The following SLC36A1 variants were observed in gnomAD, a reference collection of about 807,000 sequenced individuals.
The protein encoded by SLC36A1 is solute carrier family 36 member 1.
Under a neutral mutation model 47.5 loss-of-function variants are expected in SLC36A1, and 30 were observed. The observed-to-expected ratio is 0.63, with a 90% confidence interval of 0.47 to 0.86. The LOEUF is 0.86. SLC36A1 is among the 40% of genes least tolerant of loss of function. The pLI, the probability that SLC36A1 is intolerant of heterozygous loss-of-function variation, is 0.00. For missense variants in SLC36A1, 517 were observed against 606.0 expected, an observed-to-expected ratio of 0.85 and a Z score of 1.54; for synonymous variants, 255 against 249.7, an observed-to-expected ratio of 1.02 and a Z score of -0.20.
chr5:151,380,586 C>T, the SLC36A1 span: 1 of 548,146 alleles, frequency 1.8e-6, no homozygotes, highest in South Asian at 1.4e-5. Context: ...TGAATGAGGA[C>T]ATCAGTTCCC....
At chr5:151,527,152 C>G in the SLC36A1 span, 1 of 1,366,252 alleles carries the variant, frequency 7.3e-7, no homozygotes, top group Non-Finnish European at 1.0e-6. Context: ...TTCATGTGGA[C>G]TAATGCCACT....
the SLC36A1 span, among the ~76,000 whole-genome samples, chr5:151,376,072 A>T: frequency 6.6e-6 from 1 of 152,130 alleles, no homozygotes; most frequent in African/African-American, 2.4e-5. Context: ...GTCTTACTCC[A>T]GTTCTTAGGG....
the SLC36A1 span, among the ~76,000 whole-genome samples, chr5:151,534,121 C>A: frequency 6.6e-6 from 1 of 152,012 alleles, no homozygotes; most frequent in Non-Finnish European, 1.5e-5. Flanking sequence ...CTTAAAAATG[C>A]CTTTGTGGTT....
intron 1 of SLC36A1, among the ~76,000 whole-genome samples, chr5:151,451,405 TC>T (rs1305718022): frequency 6.6e-6 from 1 of 152,116 alleles, no homozygotes; most frequent in East Asian, 1.9e-4. Context: ...CTCTGTGCTT[TC>T]CTTTTCCATG....
chr5:151,444,005 A>C (rs989419882), upstream of SLC36A1, among the ~76,000 whole-genome samples: 1 of 152,108 alleles, frequency 6.6e-6, no homozygotes, highest in East Asian at 1.9e-4. Flanking sequence ...TGGGCTGTCT[A>C]TTGTGTTCCA....
At chr5:151,434,210 C>T (rs2127435007), upstream of SLC36A1, among the ~76,000 whole-genome samples, 1 of 152,050 alleles carries the variant, frequency 6.6e-6, no homozygotes, top group South Asian at 2.1e-4. Flanking sequence ...AAGAACTTTG[C>T]AAAAGAGAAA....
At chr5:151,530,630 T>G in the SLC36A1 span, among the ~76,000 whole-genome samples, 1 of 152,248 alleles carries the variant, frequency 6.6e-6, no homozygotes, top group South Asian at 2.1e-4. Context: ...AAGACATTTA[T>G]GAGAATCTGA....
At chr5:151,423,687 T>A in the SLC36A1 span, among the ~76,000 whole-genome samples, 1 of 152,218 alleles carries the variant, frequency 6.6e-6, no homozygotes, top group Non-Finnish European at 1.5e-5. Flanking sequence ...GTGAAAGTAC[T>A]TTGTATGATA....
At chr5:151,452,785 G>A (rs1463547082) in intron 1 of SLC36A1, among the ~76,000 whole-genome samples, 3 of 151,236 alleles carry the variant, frequency 2.0e-5, no homozygotes, top group South Asian at 4.2e-4. Flanking sequence ...CAGGAGAATC[G>A]CTTGAACCCA....
intron 1 of SLC36A1, among the ~76,000 whole-genome samples, chr5:151,458,312 GTATA>G (rs35929969): frequency 0.26 from 29,229 of 111,052 alleles, 3,298 homozygotes; most frequent in African/African-American, 0.29. Flanking sequence ...GTGTATATAC[GTATA>G]TATATATATA....
chr5:151,524,180 CT>C, the SLC36A1 span, among the ~76,000 whole-genome samples: 1 of 152,142 alleles, frequency 6.6e-6, no homozygotes, highest in African/African-American at 2.4e-5. Flanking sequence ...CTCCAACCAC[CT>C]CTCATTGTAC....
At chr5:151,396,395 C>G in the SLC36A1 span, among the ~76,000 whole-genome samples, 1 of 152,214 alleles carries the variant, frequency 6.6e-6, no homozygotes, top group African/African-American at 2.4e-5. Context: ...GCCACCATGC[C>G]CGGCCTTCTC....
At chr5:151,501,235 T>G in the SLC36A1 span, among the ~76,000 whole-genome samples, 1 of 152,232 alleles carries the variant, frequency 6.6e-6, no homozygotes, top group African/African-American at 2.4e-5. Flanking sequence ...TGGTTACATA[T>G]TTTCATGGTA....
chr5:151,487,766 C>T (rs948531607), intron 10 of SLC36A1, among the ~76,000 whole-genome samples: 40 of 152,284 alleles, frequency 2.6e-4, no homozygotes, highest in South Asian at 2.1e-4. Context: ...CCAGAAGATC[C>T]GGGTTCCGGT....
intron 7 of SLC36A1, among the ~76,000 whole-genome samples, chr5:151,473,095 C>G (rs1757538117): frequency 1.3e-5 from 2 of 152,086 alleles, no homozygotes; most frequent in South Asian, 2.1e-4. Flanking sequence ...TGCTTGAACC[C>G]AGGAGGCAGA....
At chr5:151,483,181 C>A (rs1224229939) in intron 10 of SLC36A1, among the ~76,000 whole-genome samples, 5 of 152,200 alleles carry the variant, frequency 3.3e-5, no homozygotes, top group Admixed American at 1.3e-4. Context: ...CGCTTTTGTT[C>A]TTTTCAGTGC....
At chr5:151,520,558 C>T in the SLC36A1 span, among the ~76,000 whole-genome samples, 1 of 152,160 alleles carries the variant, frequency 6.6e-6, no homozygotes. Context: ...TGACAGTCAC[C>T]GTTGATCTGG....
the SLC36A1 span, among the ~76,000 whole-genome samples, chr5:151,508,709 C>CA: frequency 0.025 from 2,800 of 109,994 alleles, 94 homozygotes; most frequent in African/African-American, 0.076. Context: ...AACTCCTTCT[C>CA]AAAAAAAAAA....
At chr5:151,523,512 A>G in the SLC36A1 span, among the ~76,000 whole-genome samples, 1 of 152,156 alleles carries the variant, frequency 6.6e-6, no homozygotes, top group Non-Finnish European at 1.5e-5. Context: ...ATCTGTGTCT[A>G]TAGCCTGTGT....
Sources: allele counts gnomAD v4.1 joint callset (sites outside exome capture counted in the v4.1 genomes callset), GRCh38; gene constraint gnomAD v4.1.1; transcripts MANE v1.5; gene names NCBI Gene and HGNC (gene_info 2026-07-23, HGNC 2026-07-21).